The following NKAIN2 variants were observed in gnomAD, a reference collection of about 807,000 sequenced individuals.
NKAIN2 encodes sodium/potassium transporting ATPase interacting 2.
In NKAIN2, 14 loss-of-function variants were observed where a neutral mutation model predicts 32.6. That is an observed-to-expected ratio of 0.43 (90% CI 0.28 to 0.67). The LOEUF (loss-of-function observed/expected upper bound fraction) is 0.67, where lower values mean the gene tolerates loss of function less well. Among genes scored for constraint, NKAIN2 ranks in the 30% least tolerant of loss-of-function variants. The pLI is 0.17. For missense variants in NKAIN2, 198 were observed against 258.3 expected, an observed-to-expected ratio of 0.77 and a Z score of 1.60; for synonymous variants, 80 against 87.2, an observed-to-expected ratio of 0.92 and a Z score of 0.46.
At chr6:124,169,322 A>T (rs1788731712) in intron 1 of NKAIN2, among the ~76,000 whole-genome samples, 1 of 152,142 alleles carries the variant, frequency 6.6e-6, no homozygotes, top group African/African-American at 2.4e-5. Flanking sequence ...TTGGATATTG[A>T]AAGAGGCTAA....
chr6:124,445,668 T>C (rs1399396763), intron 3 of NKAIN2, among the ~76,000 whole-genome samples: 1 of 151,798 alleles, frequency 6.6e-6, no homozygotes, highest in Non-Finnish European at 1.5e-5. Flanking sequence ...AACAATGATA[T>C]AATAAATGCT....
At chr6:124,585,922 T>A (rs890180757) in intron 3 of NKAIN2, among the ~76,000 whole-genome samples, 3 of 152,222 alleles carry the variant, frequency 2.0e-5, no homozygotes, top group African/African-American at 7.2e-5. Context: ...ATTTAAAAGA[T>A]CTTTGCCTAA....
chr6:123,804,453 T>C (rs2114846954), intron 1 of NKAIN2, among the ~76,000 whole-genome samples, 199 bp downstream of exon 1: 1 of 152,182 alleles, frequency 6.6e-6, no homozygotes, highest in East Asian at 2.0e-4. Context: ...CGTTCCCACC[T>C]ATTTCTGTCC....
intron 1 of NKAIN2, among the ~76,000 whole-genome samples, chr6:123,830,713 A>G (rs758437109): frequency 1.4e-3 from 215 of 152,346 alleles, no homozygotes; most frequent in Non-Finnish European, 2.8e-3. Context: ...TTTTGTGAAT[A>G]TTGAATAAAT....
chr6:123,848,305 A>T (rs1470512068), intron 1 of NKAIN2, among the ~76,000 whole-genome samples: 1 of 152,190 alleles, frequency 6.6e-6, no homozygotes, highest in Non-Finnish European at 1.5e-5. Context: ...TAAAGTGTGA[A>T]TATTTGCATG....
At chr6:124,355,504 A>G (rs111329828) in intron 3 of NKAIN2, among the ~76,000 whole-genome samples, 157 bp downstream of exon 3, 202 of 151,520 alleles carry the variant, frequency 1.3e-3, no homozygotes, top group African/African-American at 4.8e-3. Flanking sequence ...TTTATCATTA[A>G]AAATATGTCT....
chr6:124,419,133 A>G (rs2114526901), intron 3 of NKAIN2, among the ~76,000 whole-genome samples: 1 of 152,244 alleles, frequency 6.6e-6, no homozygotes. Flanking sequence ...TGGGCCTCAT[A>G]GAGGAATCTT....
At chr6:124,311,907 A>T (rs1158373385) in intron 2 of NKAIN2, among the ~76,000 whole-genome samples, 2 of 152,146 alleles carry the variant, frequency 1.3e-5, no homozygotes, top group African/African-American at 4.8e-5. Context: ...ACACAGATAA[A>T]GCAAAAATGT....
intron 4 of NKAIN2, among the ~76,000 whole-genome samples, chr6:124,783,470 C>T (rs942854808): frequency 2.0e-5 from 3 of 152,154 alleles, no homozygotes; most frequent in Non-Finnish European, 4.4e-5. Flanking sequence ...AGATATGTTT[C>T]TGATCCTCTG....
At chr6:124,490,412 G>GTT (rs3052658) in intron 3 of NKAIN2, 88,714 of 308,062 alleles carry the variant, frequency 0.29, 9,929 homozygotes, top group African/African-American at 0.32. Flanking sequence ...AATCATAGAG[G>GTT]TTTTTTTTTT....
intron 3 of NKAIN2, among the ~76,000 whole-genome samples, chr6:124,444,251 A>G (rs189659758): frequency 9.1e-4 from 139 of 152,218 alleles, no homozygotes; most frequent in Non-Finnish European, 1.6e-3. Context: ...CTCAAATTCT[A>G]TCTTATAAAA....
intron 1 of NKAIN2, among the ~76,000 whole-genome samples, chr6:124,074,935 C>T (rs1450800262): frequency 1.3e-5 from 2 of 152,130 alleles, no homozygotes; most frequent in African/African-American, 4.8e-5. Flanking sequence ...TTAGTCTTCA[C>T]GTTTTATTCA....
intron 2 of NKAIN2, among the ~76,000 whole-genome samples, chr6:124,288,155 T>G (rs1354412568): frequency 6.6e-6 from 1 of 152,222 alleles, no homozygotes; most frequent in Non-Finnish European, 1.5e-5. Flanking sequence ...ATATCTACCT[T>G]TCTTCATAAA....
chr6:124,802,281 A>G (rs1780295472), intron 5 of NKAIN2, among the ~76,000 whole-genome samples: 1 of 152,220 alleles, frequency 6.6e-6, no homozygotes, highest in South Asian at 2.1e-4. Flanking sequence ...GATTCTAAAT[A>G]TATTCTGGAT....
At chr6:124,599,656 G>C (rs757504243) in intron 3 of NKAIN2, among the ~76,000 whole-genome samples, 2 of 152,074 alleles carry the variant, frequency 1.3e-5, no homozygotes, top group Non-Finnish European at 2.9e-5. Context: ...TTGAAATGTC[G>C]TTTTTATAAA....
chr6:124,822,787 TA>T (rs60381781), intron 6 of NKAIN2, among the ~76,000 whole-genome samples: 19,429 of 146,934 alleles, frequency 0.13, 1,673 homozygotes, highest in East Asian at 0.51. Flanking sequence ...AGACTTTGTC[TA>T]AAAAAAAAAA....
At chr6:124,210,461 G>A (rs975292537) in intron 1 of NKAIN2, among the ~76,000 whole-genome samples, 4 of 151,616 alleles carry the variant, frequency 2.6e-5, no homozygotes, top group Non-Finnish European at 5.9e-5. Context: ...CTATTTCTGT[G>A]AAGAATGTCA....
chr6:124,330,273 G>A (rs1212860301), intron 2 of NKAIN2, among the ~76,000 whole-genome samples: 1 of 152,166 alleles, frequency 6.6e-6, no homozygotes, highest in Non-Finnish European at 1.5e-5. Flanking sequence ...GATTTTAATG[G>A]TTGTTTGTTC....
At chr6:124,114,544 A>T (rs1032536728) in intron 1 of NKAIN2, among the ~76,000 whole-genome samples, 1 of 152,128 alleles carries the variant, frequency 6.6e-6, no homozygotes, top group Non-Finnish European at 1.5e-5. Context: ...CAGCATATAG[A>T]TGTTAATAAA....
Sources: gnomAD v4.1 joint callset for allele counts (sites outside exome capture counted in the v4.1 genomes callset) on GRCh38, gnomAD v4.1.1 for gene constraint, MANE v1.5 for transcripts, NCBI Gene and HGNC (gene_info 2026-07-23, HGNC 2026-07-21) for gene names.